The following DPY19L1 variants were observed in gnomAD, a reference collection of about 807,000 sequenced individuals.
The protein encoded by DPY19L1 is protein C-mannosyl-transferase DPY19L1.
Under a neutral mutation model 96.9 loss-of-function variants are expected in DPY19L1, and 35 were observed. That is an observed-to-expected ratio of 0.36 (90% CI 0.28 to 0.48). The LOEUF (loss-of-function observed/expected upper bound fraction) is 0.48, where lower values mean the gene tolerates loss of function less well. DPY19L1 is among the 20% of genes least tolerant of loss of function. The pLI is 0.99. For missense variants in DPY19L1, 521 were observed against 777.9 expected (o/e 0.67, Z 3.93); for synonymous variants, 205 against 252.6 (o/e 0.81, Z 1.79).
At chr7:35,024,480 A>G (rs1254372650) in intron 1 of DPY19L1, among the ~76,000 whole-genome samples, 1 of 152,110 alleles carries the variant, frequency 6.6e-6, no homozygotes, top group Non-Finnish European at 1.5e-5. Flanking sequence ...CCACAAGTAC[A>G]ATCCATCCTA....
chr7:34,933,182 G>GT (rs960234852), intron 21 of DPY19L1, among the ~76,000 whole-genome samples: 6 of 152,050 alleles, frequency 3.9e-5, no homozygotes, highest in African/African-American at 1.4e-4. Context: ...GAAACAAGTG[G>GT]TTTTTGGTTA....
chr7:34,935,160 C>T (rs1783841448), intron 21 of DPY19L1, among the ~76,000 whole-genome samples: 2 of 152,128 alleles, frequency 1.3e-5, no homozygotes, highest in South Asian at 4.1e-4. Context: ...ACTGAGGGCC[C>T]ACGGTGGCAG....
chr7:35,011,212 T>C lies in DPY19L1; in HGVS notation c.670+118A>G, dbSNP rs562558719. 85 of 1,190,254 alleles carry C rather than the reference T, an allele frequency of 7.1e-5. No individual in the cohort carries two copies. The South Asian group carries it at 1.1e-3, about 16-fold the overall frequency. 73.7% of individuals were successfully genotyped at this position (1,190,254 alleles called of 1,614,324 possible). A position where few individuals can be genotyped will look rare whatever the true frequency, so the allele number is the denominator to read the frequency against. The stretch of plus-strand genomic sequence containing the variant: ...AAATTCTGGACTTGCAGAATCTATA[T>C]ATGCATAATAAAATGGGTGTTGTTT... On this transcript the variant is annotated intron_variant, in intron 5 of 21. Coordinates refer to ENST00000638088, the MANE Select transcript of DPY19L1 (RefSeq NM_001366673.1).
chr7:34,947,624 A>G lies in DPY19L1; in HGVS notation c.1494+6T>C, dbSNP rs1562802267. 6.2e-7 allele frequency: 1 copy of G among 1,609,444 alleles called. No individual in the cohort carries two copies. The highest frequency in any genetic ancestry group is 8.5e-7 in the Non-Finnish European group (1 of 1,177,314). On this transcript the variant is annotated splice_donor_region_variant and intron_variant, in intron 15 of 21. Coordinates refer to ENST00000638088, the MANE Select transcript of DPY19L1 (RefSeq NM_001366673.1). The stretch of plus-strand genomic sequence containing the variant: ...ATAAGAAAGAGCTCTTAAGTGATAG[A>G]CATACCTTTCTAACAATAGCAACAA...
At position 35,005,685 on chromosome 7, in the gene DPY19L1, C is replaced by T. The variant is rs188806260; in HGVS notation, c.764+4783G>A. On this transcript the variant is annotated intron_variant, in intron 6 of 21. Transcript: ENST00000638088. ...AAAATTAGCCAGGTGTGGTGGTGCG[C>T]GCCTGTAATCCCAGATACTCAGGAG... Among the ~76,000 whole-genome samples, 600 of 148,762 alleles carry T rather than the reference C, an allele frequency of 4.0e-3. 2 individuals carry two copies. Among genetic ancestry groups the T allele is most frequent in the African/African-American group, 0.014 (569 of 40,406 alleles).
rs961662413 is a variant in DPY19L1 at position 34,930,373 on chromosome 7, A to C, written c.*1200T>G. ...ATTTTTCAAAATAAAAATAAATAGG[A>C]AGAAAAAAACTAAAGAGGAGGACGA... On this transcript the variant is annotated 3_prime_UTR_variant, in exon 22 of 22. Coordinates refer to ENST00000638088, the MANE Select transcript of DPY19L1 (RefSeq NM_001366673.1). 2.0e-5 allele frequency: 3 copies of C among 152,214 alleles called. No individual in the cohort carries two copies. Among genetic ancestry groups the C allele is most frequent in the African/African-American group, 7.2e-5 (3 of 41,454 alleles). The allele number at this position is 152,214 out of a possible 1,614,324, so 9.4% of individuals were successfully genotyped here.
intron 6 of DPY19L1, chr7:35,000,401 TGAG>T (rs1785397679): frequency 1.3e-5 from 2 of 152,198 alleles, no homozygotes; most frequent in African/African-American, 4.8e-5. Context: ...ACCTGGAGAA[TGAG>T]GAGTCGGGGA....
At chr7:34,944,365 CAAAAAAAA>C (rs60937482) in intron 16 of DPY19L1, among the ~76,000 whole-genome samples, 5 of 82,306 alleles carry the variant, frequency 6.1e-5, no homozygotes, top group East Asian at 3.5e-4. Context: ...GGCTCTGTCT[CAAAAAAAA>C]AAAAAAAAAA....
intron 18 of DPY19L1, among the ~76,000 whole-genome samples, chr7:34,941,170 C>G (rs1414835513): frequency 6.6e-6 from 1 of 152,126 alleles, no homozygotes; most frequent in Non-Finnish European, 1.5e-5. Context: ...TAGTGACTAT[C>G]TGCTACGTCT....
At chr7:35,007,267 GATGGTTCCGGGTTAAGAAAAAGCCCAC>G (rs1489551108) in intron 6 of DPY19L1, among the ~76,000 whole-genome samples, 3 of 152,212 alleles carry the variant, frequency 2.0e-5, no homozygotes, top group Non-Finnish European at 1.5e-5. Context: ...GAGCTAAAGA[GATGGTTCCGGGTTAAGAAAAAGCCCAC>G]AAACACAAAA....
At chr7:34,956,648 C>T (rs1430871846) in intron 11 of DPY19L1, among the ~76,000 whole-genome samples, 1 of 151,756 alleles carries the variant, frequency 6.6e-6, no homozygotes, top group Non-Finnish European at 1.5e-5. Context: ...GGACTACAGG[C>T]GCCCGCCACC....
At chr7:34,969,312 G>A (rs559524541) in intron 9 of DPY19L1, 121 bp downstream of exon 9, 2 of 483,394 alleles carry the variant, frequency 4.1e-6, no homozygotes, top group Non-Finnish European at 7.0e-6. Flanking sequence ...ATTTTTCCTA[G>A]AAAATGTTTT....
chr7:35,007,081 A>G (rs1196778863), intron 6 of DPY19L1, among the ~76,000 whole-genome samples: 6 of 152,192 alleles, frequency 3.9e-5, no homozygotes, highest in African/African-American at 7.2e-5. Context: ...ATCAAGGAAG[A>G]AAATATTAAG....
At chr7:34,984,160 T>C (rs1784998812) in intron 7 of DPY19L1, among the ~76,000 whole-genome samples, 1 of 152,188 alleles carries the variant, frequency 6.6e-6, no homozygotes, top group Admixed American at 6.5e-5. Context: ...AAGGGACTTA[T>C]TGGCAGATCT....
rs940326590 is a variant in DPY19L1, at chr7:34,930,152, T to C, written c.*1421A>G. 2 of 152,210 alleles carry C rather than the reference T, an allele frequency of 1.3e-5. No individual in the cohort carries two copies. The highest frequency in any genetic ancestry group is 2.9e-5 in the Non-Finnish European group (2 of 68,046). 9.4% of individuals were successfully genotyped at this position (152,210 alleles called of 1,614,324 possible). A position where few individuals can be genotyped will look rare whatever the true frequency, so the allele number is the denominator to read the frequency against. Reference sequence around the variant, plus strand: ...AGGACAATCCACAATGAGGTTAATCTGCCTGTGGTTAAGAAAGAGAAGCTG... The same window carrying C: ...AGGACAATCCACAATGAGGTTAATCCGCCTGTGGTTAAGAAAGAGAAGCTG... On this transcript the variant is annotated 3_prime_UTR_variant, in exon 22 of 22. Transcript: ENST00000638088.
At chr7:34,956,815 T>G (rs1784389217) in intron 11 of DPY19L1, among the ~76,000 whole-genome samples, 1 of 152,128 alleles carries the variant, frequency 6.6e-6, no homozygotes, top group Non-Finnish European at 1.5e-5. Flanking sequence ...AAAATGGGTT[T>G]TTAAATAAAT....
Position 35,028,240 on chromosome 7 carries a change from A to G in DPY19L1, c.298+8857T>C, listed in dbSNP as rs200819265. ...GCTCAGGCTCGAAGATGTTAAGCACATTCAACGAAGAGGATGCACTAGCAC... is the reference window on the plus strand; with the variant it reads ...GCTCAGGCTCGAAGATGTTAAGCACGTTCAACGAAGAGGATGCACTAGCAC... On this transcript the variant is annotated intron_variant, in intron 1 of 21. Coordinates refer to ENST00000638088, the MANE Select transcript of DPY19L1 (RefSeq NM_001366673.1). 9.8e-5 allele frequency among the ~76,000 whole-genome samples: 15 copies of G among 152,326 alleles called. No homozygotes were observed. The East Asian group carries it at 2.9e-3, about 29-fold the overall frequency.
intron 7 of DPY19L1, among the ~76,000 whole-genome samples, chr7:34,986,722 T>C (rs1344998104): frequency 6.6e-6 from 1 of 152,022 alleles, no homozygotes; most frequent in African/African-American, 2.4e-5. Flanking sequence ...GGGTCAGAAA[T>C]ATGTTGTAGG....
upstream of DPY19L1, chr7:35,037,486 A>AGCGG (rs1260079691): frequency 4.1e-4 from 123 of 303,412 alleles, no homozygotes; most frequent in South Asian, 2.2e-3. Flanking sequence ...CTCACTCTCC[A>AGCGG]GCGGGCGGGC....
Sources: gnomAD v4.1 joint callset for allele counts (sites outside exome capture counted in the v4.1 genomes callset) on GRCh38, gnomAD v4.1.1 for gene constraint, MANE v1.5 for transcripts, NCBI Gene and HGNC (gene_info 2026-07-23, HGNC 2026-07-21) for gene names.